CTNNA3: variants seen among roughly 807,000 people sequenced by gnomAD.
The protein encoded by CTNNA3 is catenin alpha-3.
A neutral mutation model predicts 95.7 loss-of-function variants in CTNNA3; 76 were observed. That is an observed-to-expected ratio of 0.79 (90% CI 0.66 to 0.96). The LOEUF (loss-of-function observed/expected upper bound fraction) is 0.96. CTNNA3 is among the 40% of genes least tolerant of loss of function. The pLI, the probability that CTNNA3 is intolerant of heterozygous loss-of-function variation, is 0.00. For missense variants in CTNNA3, 1,191 were observed against 1,089.8 expected, an observed-to-expected ratio of 1.09 and a Z score of -1.31; for synonymous variants, 431 against 374.4, an observed-to-expected ratio of 1.15 and a Z score of -1.74.
At chr10:67,389,956 G>C (rs1446461565) in intron 5 of CTNNA3, among the ~76,000 whole-genome samples, 1 of 150,378 alleles carries the variant, frequency 6.6e-6, no homozygotes, top group African/African-American at 2.4e-5. Flanking sequence ...AGAGAAAGCA[G>C]GAAAGATCCA....
chr10:67,207,086 G>A (rs974079255), intron 6 of CTNNA3, among the ~76,000 whole-genome samples: 2 of 152,010 alleles, frequency 1.3e-5, no homozygotes, highest in African/African-American at 4.8e-5. Context: ...AGCCGAGATC[G>A]CACCATTGCA....
intron 7 of CTNNA3, among the ~76,000 whole-genome samples, chr10:67,029,392 G>A (rs1400259301): frequency 6.6e-6 from 1 of 152,086 alleles, no homozygotes; most frequent in East Asian, 1.9e-4. Context: ...TGATAAATGG[G>A]GAAGACCTAT....
At chr10:66,690,292 T>A (rs1334538261) in intron 9 of CTNNA3, among the ~76,000 whole-genome samples, 1 of 152,170 alleles carries the variant, frequency 6.6e-6, no homozygotes, top group East Asian at 1.9e-4. Context: ...AATTTTACAT[T>A]ATTTTTATAT....
intron 11 of CTNNA3, among the ~76,000 whole-genome samples, chr10:66,474,145 G>T (rs1333823534): frequency 6.6e-6 from 1 of 152,032 alleles, no homozygotes; most frequent in Non-Finnish European, 1.5e-5. Flanking sequence ...ACCCGTCTGT[G>T]CAATAGAACA....
chr10:66,622,797 TAAAC>T (rs905247020), intron 9 of CTNNA3, among the ~76,000 whole-genome samples: 21 of 152,178 alleles, frequency 1.4e-4, no homozygotes, highest in Middle Eastern at 3.2e-3. Flanking sequence ...GCAGTGGAAA[TAAAC>T]AACATATGAC....
At chr10:66,799,408 A>G (rs1438261874) in intron 7 of CTNNA3, among the ~76,000 whole-genome samples, 8 of 151,654 alleles carry the variant, frequency 5.3e-5, no homozygotes, top group Non-Finnish European at 8.9e-5. Flanking sequence ...ACAGAAAATT[A>G]GAATTAATCA....
intron 7 of CTNNA3, among the ~76,000 whole-genome samples, chr10:66,978,526 C>CAAAAAAAA (rs1170594360): frequency 4.7e-5 from 2 of 42,322 alleles, no homozygotes; most frequent in African/African-American, 1.0e-4. Context: ...GACTCCATCT[C>CAAAAAAAA]AAAAAAAAAA....
chr10:66,811,667 T>A (rs1294497458), intron 7 of CTNNA3, among the ~76,000 whole-genome samples: 1 of 152,184 alleles, frequency 6.6e-6, no homozygotes, highest in Non-Finnish European at 1.5e-5. Flanking sequence ...CTCACTCATT[T>A]ACAAACGCTC....
chr10:67,455,943 G>A (rs1383987048), intron 5 of CTNNA3, among the ~76,000 whole-genome samples: 1 of 152,126 alleles, frequency 6.6e-6, no homozygotes, highest in African/African-American at 2.4e-5. Flanking sequence ...TATTGGTTGT[G>A]ACAAATGTAT....
At chr10:66,112,906 T>G (rs2082173085) in intron 13 of CTNNA3, among the ~76,000 whole-genome samples, 1 of 152,190 alleles carries the variant, frequency 6.6e-6, no homozygotes, top group South Asian at 2.1e-4. Context: ...ACATCTTGGC[T>G]ATCGTGAATA....
intron 6 of CTNNA3, among the ~76,000 whole-genome samples, chr10:67,204,111 A>G (rs1302884320): frequency 6.6e-6 from 1 of 151,706 alleles, no homozygotes; most frequent in Non-Finnish European, 1.5e-5. Flanking sequence ...GATAAAGCAA[A>G]TCTCTTAGAC....
intron 13 of CTNNA3, among the ~76,000 whole-genome samples, chr10:66,241,231 A>G (rs750734736): frequency 8.5e-5 from 13 of 152,164 alleles, no homozygotes; most frequent in Non-Finnish European, 1.8e-4. Context: ...GGTCAATGAA[A>G]TGTATCACTG....
intron 7 of CTNNA3, among the ~76,000 whole-genome samples, chr10:66,914,228 T>G (rs1337283467): frequency 6.6e-6 from 1 of 150,540 alleles, no homozygotes; most frequent in Non-Finnish European, 1.5e-5. Flanking sequence ...CCTCCCAGGT[T>G]GACGCCATTC....
At chr10:66,013,932 C>T (rs2079049081) in intron 15 of CTNNA3, among the ~76,000 whole-genome samples, 1 of 152,032 alleles carries the variant, frequency 6.6e-6, no homozygotes, top group South Asian at 2.1e-4. Flanking sequence ...TTTGCCTTGA[C>T]TAGATTAAAA....
chr10:67,538,725 CACAG>C (rs1840568790), intron 4 of CTNNA3, among the ~76,000 whole-genome samples: 1 of 151,928 alleles, frequency 6.6e-6, no homozygotes, highest in African/African-American at 2.4e-5. Flanking sequence ...ATATTAAAAT[CACAG>C]ACACTTTATG....
chr10:66,630,443 A>C (rs2132342284), intron 9 of CTNNA3, among the ~76,000 whole-genome samples: 1 of 152,270 alleles, frequency 6.6e-6, no homozygotes, highest in South Asian at 2.1e-4. Flanking sequence ...ACCTTCACTT[A>C]AGATATCAAA....
chr10:66,896,016 G>C (rs1845473939), intron 7 of CTNNA3, among the ~76,000 whole-genome samples: 2 of 151,754 alleles, frequency 1.3e-5, no homozygotes, highest in South Asian at 4.2e-4. Context: ...AGAATTGCTT[G>C]AACCCAGGAG....
chr10:67,078,866 C>A (rs1286268641), intron 7 of CTNNA3, among the ~76,000 whole-genome samples: 1 of 152,140 alleles, frequency 6.6e-6, no homozygotes, highest in Admixed American at 6.5e-5. Context: ...GCAAGGTTAG[C>A]AGGACACTTG....
chr10:66,195,067 C>T (rs562908806), intron 13 of CTNNA3, among the ~76,000 whole-genome samples: 11 of 152,172 alleles, frequency 7.2e-5, no homozygotes, highest in African/African-American at 2.6e-4. Flanking sequence ...TGGGCATATA[C>T]ATGTTTAGTT....
Sources: allele counts gnomAD v4.1 joint callset (sites outside exome capture counted in the v4.1 genomes callset), GRCh38; gene constraint gnomAD v4.1.1; transcripts MANE v1.5; gene names NCBI Gene and HGNC (gene_info 2026-07-23, HGNC 2026-07-21).